The following LRRC47 variants were observed in gnomAD, a reference collection of about 807,000 sequenced individuals.
LRRC47 encodes the protein leucine-rich repeat-containing protein 47.
Under a neutral mutation model 40.9 loss-of-function variants are expected in LRRC47, and 31 were observed. The observed-to-expected ratio is 0.76, with a 90% confidence interval of 0.57 to 1.02. The LOEUF is 1.02. Ranked by LOEUF, LRRC47 falls within the 50% of genes least tolerant of loss-of-function variation. The probability of loss-of-function intolerance (pLI) is 0.00; values close to 1 mark genes in which losing one functional copy is unlikely to be tolerated. For synonymous variants in LRRC47, 427 were observed against 371.9 expected, an observed-to-expected ratio of 1.15 and a Z score of -1.70; for missense variants, 726 against 796.1, an observed-to-expected ratio of 0.91 and a Z score of 1.06.
At chr1:3,795,810 C>T (rs942061013) in intron 1 of LRRC47, 52 bp downstream of exon 1, 19 of 1,478,062 alleles carry the variant, frequency 1.3e-5, no homozygotes, top group Non-Finnish European at 3.6e-6. Context: ...GGTTCCTTCT[C>T]CAGGGCTACT....
chr1:3,791,628 G>C (rs1643627610), intron 1 of LRRC47, among the ~76,000 whole-genome samples: 1 of 152,056 alleles, frequency 6.6e-6, no homozygotes, highest in African/African-American at 2.4e-5. Context: ...GGCTAATTTT[G>C]TATTTTTAGT....
chr1:3,787,535 C>T (rs551955699), intron 1 of LRRC47, among the ~76,000 whole-genome samples: 1 of 152,220 alleles, frequency 6.6e-6, no homozygotes, highest in South Asian at 2.1e-4. Context: ...GAGGAGAAGG[C>T]GTCAGCCACG....
At position 3,785,152 on chromosome 1, in the gene LRRC47, T is replaced by C; in HGVS notation, c.1129A>G (p.Thr377Ala). The change falls in exon 3 of 7, where the codon ACC becomes GCC. Residue 377 changes from threonine (T) to alanine (A), a missense_variant. Coordinates refer to ENST00000378251, the MANE Select transcript of LRRC47 (RefSeq NM_020710.3). Reference sequence around the variant, plus strand: ...CCTTTGACGGCACGGAGCTCGTGGGTGGCAAGGGTGGCAGCCGTCCTCTTC... The same window carrying C: ...CCTTTGACGGCACGGAGCTCGTGGGCGGCAAGGGTGGCAGCCGTCCTCTTC... ...CEKRTAATLA[T>A]HELRAVKGPL... 1 of 1,598,618 alleles carries C rather than the reference T, an allele frequency of 6.3e-7. No individual in the cohort carries two copies. Among genetic ancestry groups the C allele is most frequent in the Non-Finnish European group, 8.5e-7 (1 of 1,173,244 alleles).
Position 3,785,197 on chromosome 1 carries a change from G to A in LRRC47, c.1084C>T (p.Leu362Phe). The change falls in exon 3 of 7, where the codon CTC becomes TTC. Residue 362 changes from leucine to phenylalanine, a missense_variant. By Grantham distance (22) the Leu-to-Phe change is conservative (BLOSUM62 0). Coordinates refer to ENST00000378251, the MANE Select transcript of LRRC47 (RefSeq NM_020710.3). ...CTCTTCTCACAGAGATCTTCGTGGA[G>A]CTTGGTCTGTAACACAGAAGCAGTG... ...LKRFLTSQTK[L>F]HEDLCEKRTA... 1 of 1,567,906 alleles carries A rather than the reference G, an allele frequency of 6.4e-7. No homozygotes were observed. Among genetic ancestry groups the A allele is most frequent in the Non-Finnish European group, 8.6e-7 (1 of 1,159,102 alleles).
At chr1:3,791,090 C>T (rs1485304652) in intron 1 of LRRC47, among the ~76,000 whole-genome samples, 3 of 152,076 alleles carry the variant, frequency 2.0e-5, no homozygotes, top group African/African-American at 7.2e-5. Flanking sequence ...AGGGAGAGGC[C>T]CCGAGACGAC....
rs781022602 is a variant in LRRC47 at position 3,781,308 on chromosome 1, A to G, written c.1532T>C (p.Leu511Ser). 2.4e-5 allele frequency: 39 copies of G among 1,613,432 alleles called. No homozygotes were observed. The highest frequency in any genetic ancestry group is 2.9e-5 in the Non-Finnish European group (34 of 1,179,566). Residue 511 changes from leucine (L) to serine (S), a missense_variant, in exon 7 of 7, where the codon TTA (leucine) becomes TCA (serine). Leu to Ser is a moderately radical substitution (Grantham distance 145). Transcript: ENST00000378251. ...LKMAEMKKYTLENKEEGSLSD... is the reference protein window; with the variant it reads ...LKMAEMKKYTSENKEEGSLSD... Reference sequence around the variant, plus strand: ...GAGTGATCCTTCCTCTTTATTTTCTAAAGTGTACTTTTTCATTTCTGCCAT... The same window carrying G: ...GAGTGATCCTTCCTCTTTATTTTCTGAAGTGTACTTTTTCATTTCTGCCAT...
Position 3,780,459 on chromosome 1 carries a change from C to G in LRRC47, c.*629G>C, listed in dbSNP as rs1335804108. On this transcript the variant is annotated 3_prime_UTR_variant, in exon 7 of 7. Transcript: ENST00000378251. Reference sequence around the variant, plus strand: ...TACAGTGCCACGTAACAGCACTGTACTTTTCTCCCATAAACAGTTACCTGC... The same window carrying G: ...TACAGTGCCACGTAACAGCACTGTAGTTTTCTCCCATAAACAGTTACCTGC... The G allele has an allele frequency of 6.6e-6, 1 of 152,514 alleles. No homozygotes were observed. 9.4% of individuals were successfully genotyped at this position (152,514 alleles called of 1,614,324 possible).
chr1:3,782,458 C>T (rs1166174291), intron 5 of LRRC47, among the ~76,000 whole-genome samples: 3 of 152,126 alleles, frequency 2.0e-5, no homozygotes, highest in Non-Finnish European at 2.9e-5. Flanking sequence ...CCACGCCCGG[C>T]GAATTTTGTA....
Position 3,786,972 on chromosome 1 carries a change from G to A in LRRC47, c.954C>T (p.Pro318=), listed in dbSNP as rs765255616. The change falls in exon 2 of 7, where the codon CCC becomes CCT. Residue 318 remains proline, a synonymous_variant. Coordinates refer to ENST00000378251, the MANE Select transcript of LRRC47 (RefSeq NM_020710.3). ...GGCTCACTCTGACTGTCAGAGGTAC[G>A]GGGTTTTCAGAGACGTGCAGGACCC... The part of the protein sequence containing the change: ...LLRVLHVSEN[P]VPLTVRVSPE... The A allele has an allele frequency of 4.3e-5, 69 of 1,611,168 alleles. No individual in the cohort carries two copies. Among genetic ancestry groups the A allele is most frequent in the African/African-American group, 5.3e-5 (4 of 74,870 alleles).
In LRRC47 at chr1:3,796,120, G is replaced by A; in HGVS notation, c.357C>T (p.Gly119=). ...GGCCCGGCGGCTCGGCGGGGCCCAG[G>A]CCTTGGCCCGGCGGCAGCGCCTCCA... is the stretch of plus-strand genomic sequence containing the variant. ...NALEALPPGQ[G]LGPAEPPGLP... The change falls in exon 1 of 7, where the codon GGC becomes GGT. Residue 119 remains glycine (G), a synonymous_variant. Transcript: ENST00000378251. The A allele has an allele frequency of 7.0e-7, 1 of 1,437,668 alleles. No homozygotes were observed. The highest frequency in any genetic ancestry group is 9.1e-7 in the Non-Finnish European group (1 of 1,103,678). The allele number at this position is 1,437,668 out of a possible 1,614,324, so 89.1% of individuals were successfully genotyped here. A position where few individuals can be genotyped will look rare whatever the true frequency, so the allele number is the denominator to read the frequency against.
intron 3 of LRRC47, 68 bp downstream of exon 3, chr1:3,785,019 G>A (rs1643558747): frequency 2.4e-6 from 3 of 1,248,168 alleles, no homozygotes; most frequent in Middle Eastern, 2.2e-4. Flanking sequence ...TCGGGCTGCA[G>A]TAGCAGCATG....
chr1:3,792,554 G>C (rs1485922255), intron 1 of LRRC47, among the ~76,000 whole-genome samples: 1 of 150,210 alleles, frequency 6.7e-6, no homozygotes, highest in Admixed American at 6.7e-5. Flanking sequence ...TCTGCCTCCC[G>C]GGTTCAAGCG....
In LRRC47 at chr1:3,795,964, C is replaced by T. The variant is rs1643671229; in HGVS notation, c.513G>A (p.Glu171=). The part of the protein sequence containing the change: ...TGNCLDSFPA[E]LFRPGALPLL... ...GGGGCAGCGCGCCGGGGCGAAAGAG[C>T]TCGGCGGGAAAGGAGTCTAGGCAAT... The change falls in exon 1 of 7, where the codon GAG becomes GAA. Residue 171 remains glutamate (E), a synonymous_variant. Coordinates refer to ENST00000378251, the MANE Select transcript of LRRC47 (RefSeq NM_020710.3). 1.9e-6 allele frequency: 3 copies of T among 1,590,044 alleles called. No homozygotes were observed. Among genetic ancestry groups the T allele is most frequent in the Admixed American group, 3.5e-5 (2 of 56,412 alleles).
intron 4 of LRRC47, among the ~76,000 whole-genome samples, chr1:3,783,364 G>A (rs1436239222): frequency 3.4e-5 from 5 of 149,116 alleles, no homozygotes; most frequent in Non-Finnish European, 7.4e-5. Flanking sequence ...AGGTTGCAGT[G>A]AGCCAAGATC....
Position 3,784,057 on chromosome 1 carries a change from G to C in LRRC47, c.1249C>G (p.Gln417Glu). Reference protein sequence around the residue: ...AKAKELVRQLQLEAEEQRKQK... With the variant: ...AKAKELVRQLELEAEEQRKQK... ...TTCCTCTGCTCCTCGGCCTCCAGCTGCAGCTGCCGCACCAGCTCCTTGGCC... is the reference window on the plus strand; with the variant it reads ...TTCCTCTGCTCCTCGGCCTCCAGCTCCAGCTGCCGCACCAGCTCCTTGGCC... Residue 417 changes from glutamine to glutamate, a missense_variant, in exon 4 of 7, where the codon CAG (glutamine) becomes GAG (glutamate). Coordinates refer to ENST00000378251, the MANE Select transcript of LRRC47 (RefSeq NM_020710.3). 1.9e-6 allele frequency: 3 copies of C among 1,612,682 alleles called. No homozygotes were observed. The highest frequency in any genetic ancestry group is 2.5e-6 in the Non-Finnish European group (3 of 1,179,762).
At chr1:3,790,972 A>C (rs1643621502) in intron 1 of LRRC47, among the ~76,000 whole-genome samples, 1 of 152,280 alleles carries the variant, frequency 6.6e-6, no homozygotes, top group Non-Finnish European at 1.5e-5. Context: ...TAGTTAACCC[A>C]CGGAACGCAG....
intron 5 of LRRC47, 47 bp from the exon 6 acceptor site, chr1:3,781,648 A>C: frequency 7.0e-7 from 1 of 1,427,576 alleles, no homozygotes; most frequent in Non-Finnish European, 9.8e-7. Flanking sequence ...TCAAATGTAG[A>C]CATCAGCAAC....
chr1:3,784,103 G>T lies in LRRC47; in HGVS notation c.1203C>A (p.Pro401=). The T allele has an allele frequency of 6.2e-7, 1 of 1,610,454 alleles. No individual in the cohort carries two copies. Residue 401 remains proline (P), a synonymous_variant, in exon 4 of 7, where the codon CCC becomes CCA. Coordinates refer to ENST00000378251, the MANE Select transcript of LRRC47 (RefSeq NM_020710.3). ...TGGCCTTGGCTTCTTTCCGCCCCAAGGGGACAATCTATCGGGCAGAAACCC... is the reference window on the plus strand; with the variant it reads ...TGGCCTTGGCTTCTTTCCGCCCCAATGGGACAATCTATCGGGCAGAAACCC... ...ARPPQDLKIV[P]LGRKEAKAKE...
chr1:3,784,475 G>A (rs546816903), intron 3 of LRRC47, among the ~76,000 whole-genome samples: 2 of 152,182 alleles, frequency 1.3e-5, no homozygotes, highest in South Asian at 2.1e-4. Context: ...AGGACAGCAC[G>A]ACACAGCAAC....
Sources: allele counts gnomAD v4.1 joint callset (sites outside exome capture counted in the v4.1 genomes callset), GRCh38; gene constraint gnomAD v4.1.1; transcripts MANE v1.5; gene names NCBI Gene and HGNC (gene_info 2026-07-23, HGNC 2026-07-21).